The following B9D1 variants were observed in gnomAD, a reference collection of about 807,000 sequenced individuals.
The protein encoded by B9D1 is B9 domain-containing protein 1.
A neutral mutation model predicts 26.1 loss-of-function variants in B9D1; 20 were observed. That is an observed-to-expected ratio of 0.77 (90% confidence interval 0.54 to 1.12). The LOEUF (loss-of-function observed/expected upper bound fraction) is 1.12, where lower values mean the gene tolerates loss of function less well. Among genes scored for constraint, B9D1 ranks in the 50% most tolerant of loss-of-function variants. The pLI is 0.00. For synonymous variants in B9D1, 105 were observed against 103.1 expected (o/e 1.02, Z -0.11); for missense variants, 260 against 273.7 (o/e 0.95, Z 0.35).
downstream of B9D1, chr17:19,337,705 C>G (rs760985866): frequency 2.2e-5 from 33 of 1,533,270 alleles, no homozygotes; most frequent in Non-Finnish European, 2.9e-5. Context: ...AAGCCGCTTT[C>G]ATCTTGAAAC....
chr17:19,343,087 C>T (rs1316963225), downstream of B9D1: 1 of 1,413,038 alleles, frequency 7.1e-7, no homozygotes, highest in Non-Finnish European at 9.2e-7. Flanking sequence ...AGGGAGAGCC[C>T]TGGAGGTGGG....
intron 3 of B9D1, among the ~76,000 whole-genome samples, chr17:19,354,736 G>T (rs1327560366): frequency 6.6e-6 from 1 of 152,192 alleles, no homozygotes; most frequent in Non-Finnish European, 1.5e-5. Context: ...GGCTGAGGCG[G>T]AGAATTGCTT....
chr17:19,353,918 C>T (rs1335664178), intron 3 of B9D1, among the ~76,000 whole-genome samples: 1 of 152,042 alleles, frequency 6.6e-6, no homozygotes, highest in Non-Finnish European at 1.5e-5. Flanking sequence ...CCTGCCTGGG[C>T]AACAAGAGCA....
Position 19,370,099 on chromosome 17 carries a change from CTT to C in B9D1, c.-298+7758_-298+7759del, listed in dbSNP as rs1911816901. 6.6e-6 allele frequency among the ~76,000 whole-genome samples: 1 copy of C among 152,254 alleles called. No individual in the cohort carries two copies. Among genetic ancestry groups the C allele is most frequent in the Non-Finnish European group, 1.5e-5 (1 of 68,052 alleles). ...GTCACCACACCCTGGACTCAGAGAA[CTT>C]GGGTACTTCACCGACGGCCACCTCC... is the stretch of plus-strand genomic sequence containing the variant. On this transcript the variant is annotated intron_variant, in intron 1 of 5. Transcript: ENST00000477478. The surrounding 1 kb of genome is among the most constrained non-coding windows in gnomAD (Gnocchi z 5.1).
At chr17:19,352,377 C>T (rs1909727791) in intron 3 of B9D1, among the ~76,000 whole-genome samples, 1 of 151,610 alleles carries the variant, frequency 6.6e-6, no homozygotes, top group South Asian at 2.1e-4. Flanking sequence ...TTGAGTTTCA[C>T]TCTTTCGCCC....
At chr17:19,346,421 C>A (rs575449019) in intron 5 of B9D1, among the ~76,000 whole-genome samples, 1 of 152,354 alleles carries the variant, frequency 6.6e-6, no homozygotes, top group East Asian at 1.9e-4. Flanking sequence ...ACTGGCCAGG[C>A]TCGCAGGGGC....
At chr17:19,373,092 C>T (rs76776647) in intron 1 of B9D1, among the ~76,000 whole-genome samples, 5 of 152,140 alleles carry the variant, frequency 3.3e-5, no homozygotes, top group Non-Finnish European at 5.9e-5. Flanking sequence ...TCCCCTCCCC[C>T]ACGCTGAGCC....
upstream of B9D1, among the ~76,000 whole-genome samples, chr17:19,365,633 C>T (rs894829197): frequency 2.0e-5 from 3 of 152,180 alleles, no homozygotes; most frequent in Non-Finnish European, 4.4e-5. This position sits in a 1 kb window ranked among gnomAD's most constrained non-coding sequence, Gnocchi z 5.0. Context: ...GTCTACCATG[C>T]ATCTCTTTCC....
At chr17:19,373,155 G>C (rs1350621973) in intron 1 of B9D1, among the ~76,000 whole-genome samples, 1 of 152,306 alleles carries the variant, frequency 6.6e-6, no homozygotes. Flanking sequence ...AAAAAGGGAT[G>C]CCCACTGCCG....
At chr17:19,342,051 G>A (rs1053997290), downstream of B9D1, among the ~76,000 whole-genome samples, 1 of 152,156 alleles carries the variant, frequency 6.6e-6, no homozygotes, top group African/African-American at 2.4e-5. Context: ...GGCTGTGAGG[G>A]GTAGAGGTGA....
chr17:19,355,992 G>C (rs1452239420), intron 3 of B9D1, among the ~76,000 whole-genome samples: 2 of 152,044 alleles, frequency 1.3e-5, no homozygotes, highest in Non-Finnish European at 2.9e-5. Context: ...CATTTATGTT[G>C]TCTTGGTTCT....
chr17:19,363,538 C>G (rs1427601409), upstream of B9D1: 1 of 152,250 alleles, frequency 6.6e-6, no homozygotes, highest in Non-Finnish European at 1.5e-5. Flanking sequence ...GATTCAAACC[C>G]AGGACTCCAG....
At chr17:19,373,219 G>A (rs935431593) in intron 1 of B9D1, among the ~76,000 whole-genome samples, 11 of 152,136 alleles carry the variant, frequency 7.2e-5, no homozygotes, top group Non-Finnish European at 1.2e-4. Context: ...AAGGTCTCCA[G>A]GCTTGGATTA....
downstream of B9D1, among the ~76,000 whole-genome samples, chr17:19,339,879 C>T (rs1041403822): frequency 1.3e-5 from 2 of 152,128 alleles, no homozygotes; most frequent in African/African-American, 4.8e-5. Flanking sequence ...ATACAAGGGG[C>T]CTAGGAAATG....
At chr17:19,362,766 A>G, upstream of B9D1, 1 of 1,464,492 alleles carries the variant, frequency 6.8e-7, no homozygotes, top group Non-Finnish European at 9.2e-7. Flanking sequence ...GGCGGGGCAC[A>G]AGGGGCGGGG....
At chr17:19,353,676 C>T (rs1005924435) in intron 3 of B9D1, among the ~76,000 whole-genome samples, 3 of 151,582 alleles carry the variant, frequency 2.0e-5, no homozygotes, top group African/African-American at 7.3e-5. Context: ...CATGGTGGCT[C>T]ACGCCTGTAA....
chr17:19,362,849 G>A (rs1347020684), upstream of B9D1: 5 of 755,482 alleles, frequency 6.6e-6, no homozygotes, highest in East Asian at 1.4e-4. Context: ...TGACCTGTCG[G>A]GTAAAGCCAG....
chr17:19,350,696 G>T (rs1030001003), intron 3 of B9D1, among the ~76,000 whole-genome samples: 1 of 152,304 alleles, frequency 6.6e-6, no homozygotes, highest in East Asian at 1.9e-4. Context: ...CAGTAAAAGT[G>T]ATGTTTGCTC....
chr17:19,343,440 C>G lies in B9D1; in HGVS notation c.494G>C (p.Gly165Ala). 6.2e-7 allele frequency: 1 copy of G among 1,614,180 alleles called. No homozygotes were observed. The change falls in exon 7 of 7, where the codon GGC (glycine) becomes GCC (alanine). Residue 165 changes from glycine to alanine, a missense_variant. Physicochemically the swap from Gly to Ala is moderately conservative, Grantham distance 60. Coordinates refer to ENST00000261499, the MANE Select transcript of B9D1 (RefSeq NM_015681.6). ...CACGTTGAAGAGGAGGGTGACAAAG[C>G]CCTGAGAACGGACACGGGTCACTGG... is the stretch of plus-strand genomic sequence containing the variant. The part of the protein sequence containing the change: ...GREVTRVRSQ[G>A]FVTLLFNVVT...
Sources: allele counts gnomAD v4.1 joint callset (sites outside exome capture counted in the v4.1 genomes callset), GRCh38; gene constraint gnomAD v4.1.1; non-coding constraint Gnocchi (gnomAD v3.1); transcripts MANE v1.5; gene names NCBI Gene and HGNC (gene_info 2026-07-23, HGNC 2026-07-21).